The following TRIM67 variants were observed in gnomAD, a reference collection of about 807,000 sequenced individuals.
TRIM67 encodes tripartite motif containing 67, also known as tripartite motif-containing protein 67.
A neutral mutation model predicts 71.0 loss-of-function variants in TRIM67; 39 were observed. The ratio of observed to expected loss-of-function variants is 0.55; its 90% confidence interval spans 0.43 to 0.72. The LOEUF (loss-of-function observed/expected upper bound fraction) is 0.72. Among genes scored for constraint, TRIM67 ranks in the 30% least tolerant of loss-of-function variants. The probability of loss-of-function intolerance (pLI) is 0.00; values close to 1 mark genes in which losing one functional copy is unlikely to be tolerated. For synonymous variants in TRIM67, 481 were observed against 473.9 expected (o/e 1.01, Z -0.19); for missense variants, 973 against 1,079.2 (o/e 0.90, Z 1.38).
chr1:231,185,942 C>T lies in TRIM67; in HGVS notation c.1045-11429C>T, dbSNP rs182391487. ...TAGGACTGGAGATGAGTGTGATAAA[C>T]GGCCGTGACAGCCGGGACAAGGGCT... On this transcript the variant is annotated intron_variant, in intron 1 of 9. Coordinates refer to ENST00000366653, the MANE Select transcript of TRIM67 (RefSeq NM_001004342.5). The T allele has an allele frequency of 4.3e-4, 295 of 688,926 alleles. 6 individuals carry two copies. In the African/African-American group the frequency reaches 4.6e-3, roughly 11 times the overall value. 42.7% of individuals were successfully genotyped at this position (688,926 alleles called of 1,614,324 possible).
At position 231,221,209 on chromosome 1, in the gene TRIM67, T is replaced by C. The variant is rs1160196587; in HGVS notation, c.*5769T>C. The stretch of plus-strand genomic sequence containing the variant: ...AAGCTTCGCGTCCTTGTTTTGACCG[T>C]CGACAGAAGTCCAATTTTCTTGCCT... On this transcript the variant is annotated 3_prime_UTR_variant, in exon 10 of 10. Transcript: ENST00000366653. 6.6e-6 allele frequency: 1 copy of C among 152,326 alleles called. No individual in the cohort carries two copies. Among genetic ancestry groups the C allele is most frequent in the East Asian group, 1.9e-4 (1 of 5,194 alleles). 9.4% of individuals were successfully genotyped at this position (152,326 alleles called of 1,614,324 possible). A position where few individuals can be genotyped will look rare whatever the true frequency, so the allele number is the denominator to read the frequency against.
At chr1:231,169,993 C>CTCTTTTTTTTTTTTTTTTTT (rs1558289994) in intron 1 of TRIM67, among the ~76,000 whole-genome samples, 2 of 136,134 alleles carry the variant, frequency 1.5e-5, no homozygotes, top group African/African-American at 3.2e-5. Context: ...TTCTTTCTCT[C>CTCTTTTTTTTTTTTTTTTTT]TTTTTTTTTT....
chr1:231,181,851 C>T (rs1002672596), intron 1 of TRIM67, among the ~76,000 whole-genome samples: 1 of 152,142 alleles, frequency 6.6e-6, no homozygotes, highest in Non-Finnish European at 1.5e-5. Context: ...CTATTCTGAA[C>T]CTTTTTTCTG....
chr1:231,186,072 T>C, intron 1 of TRIM67: 1 of 1,532,698 alleles, frequency 6.5e-7, no homozygotes, highest in Admixed American at 2.0e-5. Flanking sequence ...TGAGCAGAAC[T>C]CACCTCTCTC....
intron 1 of TRIM67, among the ~76,000 whole-genome samples, chr1:231,189,200 C>A (rs1172019183): frequency 1.3e-5 from 2 of 152,168 alleles, no homozygotes; most frequent in Non-Finnish European, 2.9e-5. Flanking sequence ...AGACATTGAA[C>A]AGTTCTGTGG....
chr1:231,199,316 A>G, intron 3 of TRIM67, 147 bp downstream of exon 3: 1 of 810,974 alleles, frequency 1.2e-6, no homozygotes, highest in East Asian at 2.7e-5. Flanking sequence ...GAAGGGATGC[A>G]CCAGCTGGTT....
chr1:231,217,801 T>C lies in TRIM67; in HGVS notation c.*2361T>C. 2 of 1,289,112 alleles carry C rather than the reference T, an allele frequency of 1.6e-6. No individual in the cohort carries two copies. The highest frequency in any genetic ancestry group is 2.0e-6 in the Non-Finnish European group (2 of 988,582). 79.9% of individuals were successfully genotyped at this position (1,289,112 alleles called of 1,614,324 possible). ...TGGGGCTACCCTGAACCTAACCCCT[T>C]TGAGGGAGCAGCATCCAGGTCAGGA... On this transcript the variant is annotated 3_prime_UTR_variant, in exon 10 of 10. Coordinates refer to ENST00000366653, the MANE Select transcript of TRIM67 (RefSeq NM_001004342.5).
At position 231,169,687 on chromosome 1, in the gene TRIM67, A is replaced by C. The variant is rs1252658007; in HGVS notation, c.1044+5674A>C. Reference sequence around the variant, plus strand: ...TGACACCACACCCGCCCGAAGACTAAATTTTTGAGAAGTTGAATCTTTTAC... The same window carrying C: ...TGACACCACACCCGCCCGAAGACTACATTTTTGAGAAGTTGAATCTTTTAC... On this transcript the variant is annotated intron_variant, in intron 1 of 9. Coordinates refer to ENST00000366653, the MANE Select transcript of TRIM67 (RefSeq NM_001004342.5). Among the ~76,000 whole-genome samples the C allele has an allele frequency of 2.6e-5, 4 of 151,922 alleles. 1 individual carries two copies. The highest frequency in any genetic ancestry group is 1.3e-4 in the Admixed American group (2 of 15,234).
In TRIM67 at chr1:231,213,998, G is replaced by A. The variant is rs150755358; in HGVS notation, c.2286+21G>A. On this transcript the variant is annotated intron_variant, in intron 9 of 9. Transcript: ENST00000366653. ...TGCAGGTACACACCTCCCCAGGGCC[G>A]GACCTGGTCTGGCTGCTCCCAACTG... is the stretch of plus-strand genomic sequence containing the variant. 4,586 of 1,591,712 alleles carry A rather than the reference G, an allele frequency of 2.9e-3. 9 individuals are homozygous for A. Among genetic ancestry groups the A allele is most frequent in the Non-Finnish European group, 3.7e-3 (4,313 of 1,167,774 alleles).
At chr1:231,205,362 T>C (rs1020225536) in intron 6 of TRIM67, among the ~76,000 whole-genome samples, 5 of 152,190 alleles carry the variant, frequency 3.3e-5, no homozygotes, top group African/African-American at 1.2e-4. Flanking sequence ...CAAAAGGCTA[T>C]GCATTTGGGG....
At chr1:231,167,317 G>GTTTTTTTTTT (rs1340006817) in intron 1 of TRIM67, among the ~76,000 whole-genome samples, 3 of 66,772 alleles carry the variant, frequency 4.5e-5, no homozygotes, top group Admixed American at 1.5e-4. Flanking sequence ...TCACTCTAAT[G>GTTTTTTTTTT]TCTTTTTTTT....
At chr1:231,171,638 T>A (rs1435151667) in intron 1 of TRIM67, among the ~76,000 whole-genome samples, 4 of 152,174 alleles carry the variant, frequency 2.6e-5, no homozygotes, top group African/African-American at 4.8e-5. Context: ...AATTTCCTTT[T>A]GTGAAGTTCT....
chr1:231,182,751 G>A (rs982810531), intron 1 of TRIM67, among the ~76,000 whole-genome samples: 3 of 152,190 alleles, frequency 2.0e-5, no homozygotes, highest in Non-Finnish European at 2.9e-5. Flanking sequence ...TCCAAGGGGA[G>A]GCATGGATTT....
intron 8 of TRIM67, among the ~76,000 whole-genome samples, chr1:231,210,441 T>G (rs1683835691): frequency 6.6e-6 from 1 of 151,452 alleles, no homozygotes; most frequent in African/African-American, 2.4e-5. Context: ...TCTTTGCTTG[T>G]AGGCAGGGCC....
In TRIM67 at chr1:231,201,523, C is replaced by A; in HGVS notation, c.1534+6C>A. 1 of 1,612,734 alleles carries A rather than the reference C, an allele frequency of 6.2e-7. No homozygotes were observed. Among genetic ancestry groups the A allele is most frequent in the Non-Finnish European group, 8.5e-7 (1 of 1,179,414 alleles). On this transcript the variant is annotated splice_donor_region_variant and intron_variant, in intron 5 of 9. Transcript: ENST00000366653. Reference sequence around the variant, plus strand: ...CATTCAGATGAAATGTAGGGGTGAGCCGCGGTTGGCCCCAGTTCAGTCAGT... The same window carrying A: ...CATTCAGATGAAATGTAGGGGTGAGACGCGGTTGGCCCCAGTTCAGTCAGT...
chr1:231,173,253 ATACT>A (rs1421488007), intron 1 of TRIM67, among the ~76,000 whole-genome samples: 1 of 152,234 alleles, frequency 6.6e-6, no homozygotes, highest in African/African-American at 2.4e-5. Context: ...GTGATAAAAA[ATACT>A]TAGGCAGGGC....
At chr1:231,167,330 T>TAAGAGATAGGG (rs1558288826) in intron 1 of TRIM67, among the ~76,000 whole-genome samples, 1 of 65,164 alleles carries the variant, frequency 1.5e-5, no homozygotes, top group South Asian at 3.6e-4. Flanking sequence ...TTTTTTTTTT[T>TAAGAGATAGGG]TTTTTTTTTT....
At chr1:231,186,059 C>T (rs1268077384) in intron 1 of TRIM67, 7 of 1,529,322 alleles carry the variant, frequency 4.6e-6, no homozygotes, top group Non-Finnish European at 6.1e-6. Context: ...GGGATGTTCC[C>T]CGTGAGCAGA....
intron 6 of TRIM67, among the ~76,000 whole-genome samples, chr1:231,204,291 C>T (rs1200004781): frequency 6.6e-6 from 1 of 152,234 alleles, no homozygotes; most frequent in Admixed American, 6.5e-5. Flanking sequence ...CCTCACACAG[C>T]AACACATTCC....
Sources: allele counts gnomAD v4.1 joint callset (sites outside exome capture counted in the v4.1 genomes callset), GRCh38; gene constraint gnomAD v4.1.1; transcripts MANE v1.5; gene names NCBI Gene and HGNC (gene_info 2026-07-23, HGNC 2026-07-21).